The following TENM2 variants were observed in gnomAD, a reference collection of about 807,000 sequenced individuals.
TENM2 encodes teneurin transmembrane protein 2.
TENM2 carries 52 observed loss-of-function variants against 245.2 expected under a neutral mutation model. The ratio of observed to expected loss-of-function variants is 0.21; its 90% CI spans 0.17 to 0.27. The LOEUF is 0.27. TENM2 is among the 10% of genes least tolerant of loss of function. The probability of loss-of-function intolerance (pLI) is 1.00; values close to 1 mark genes in which losing one functional copy is unlikely to be tolerated. For missense variants in TENM2, 3,046 were observed against 3,666.8 expected (o/e 0.83, Z 4.37); for synonymous variants, 1,363 against 1,438.9 (o/e 0.95, Z 1.19).
At chr5:167,746,710 A>AGAGAGAGAGAGAGAGCGAGAGC in intron 2 of TENM2, among the ~76,000 whole-genome samples, 1 of 144,974 alleles carries the variant, frequency 6.9e-6, no homozygotes, top group African/African-American at 2.6e-5. Context: ...AGAGAGAGAG[A>AGAGAGAGAGAGAGAGCGAGAGC]GAGAGCTGGA....
At chr5:167,721,367 C>T (rs981873324) in intron 2 of TENM2, 4 of 152,144 alleles carry the variant, frequency 2.6e-5, no homozygotes, top group African/African-American at 4.8e-5. Context: ...CACCAACAGA[C>T]GCTTAAGCGA....
Position 168,244,433 on chromosome 5 carries a change from A to C in TENM2, c.5534A>C (p.Asn1845Thr). ...GTGTTTTCCTAGGTCCATGGAAGAA[A>C]TCTCTTGTCCATTGACTATGATCGA... is the stretch of plus-strand genomic sequence containing the variant. Residue 1845 changes from asparagine (N) to threonine (T), a missense_variant, in exon 26 of 29, where the codon AAT becomes ACT. Physicochemically the swap from Asn to Thr is moderately conservative, Grantham distance 65. This residue lies in a region of TENM2 where 2,704 missense variants were observed against 3,331.9 expected (regional missense o/e 0.81). Coordinates refer to ENST00000518659, the Ensembl canonical transcript of TENM2. This position sits in a 1 kb window ranked among gnomAD's most constrained non-coding sequence, Gnocchi z 4.9. 2.6e-6 allele frequency: 4 copies of C among 1,547,058 alleles called. No homozygotes were observed. The highest frequency in any genetic ancestry group is 3.5e-6 in the Non-Finnish European group (4 of 1,138,222).
In TENM2 at chr5:167,519,849, G is replaced by A. The variant is rs190128777; in HGVS notation, c.502+144376G>A. On this transcript the variant is annotated intron_variant, in intron 2 of 28. Coordinates refer to ENST00000518659, the Ensembl canonical transcript of TENM2. ...CACACAGTCAGTTCGGATTTATATT[G>A]GCACTCCAAGAACCGATGTCAAACT... Among the ~76,000 whole-genome samples, 307 of 152,110 alleles carry A rather than the reference G, an allele frequency of 2.0e-3. 2 individuals are homozygous for A. The highest frequency in any genetic ancestry group is 3.1e-4 in the Non-Finnish European group (21 of 67,952).
chr5:168,203,699 G>A (rs1438111128), exon 18 of TENM2: 1 of 1,607,620 alleles, frequency 6.2e-7, no homozygotes, highest in Non-Finnish European at 8.5e-7. Context: ...TGTCTGTCGG[G>A]TTTGAATATG....
chr5:167,755,007 TAGAG>T, intron 2 of TENM2: 1 of 1,580,222 alleles, frequency 6.3e-7, no homozygotes, highest in Non-Finnish European at 8.6e-7. Flanking sequence ...TTTCTGTAGT[TAGAG>T]GGAAACACAA....
chr5:166,999,861 C>T, the TENM2 span, among the ~76,000 whole-genome samples: 19 of 150,424 alleles, frequency 1.3e-4, no homozygotes, highest in East Asian at 3.1e-3. Flanking sequence ...GCAGAATTGC[C>T]CAGGGAACTT....
At chr5:167,438,382 G>A (rs1056836424) in intron 2 of TENM2, among the ~76,000 whole-genome samples, 1 of 152,130 alleles carries the variant, frequency 6.6e-6, no homozygotes, top group African/African-American at 2.4e-5. Flanking sequence ...TTACAAAATG[G>A]TGTTCTTCTA....
intron 2 of TENM2, among the ~76,000 whole-genome samples, chr5:167,840,962 C>T (rs1448812665): frequency 6.6e-6 from 1 of 152,102 alleles, no homozygotes; most frequent in African/African-American, 2.4e-5. Flanking sequence ...CTTTTTTTCA[C>T]ACAACACACC....
intron 1 of TENM2, among the ~76,000 whole-genome samples, chr5:167,316,879 T>G (rs1381813866): frequency 6.6e-6 from 1 of 152,132 alleles, no homozygotes; most frequent in Non-Finnish European, 1.5e-5. Context: ...GTGTAAAGAG[T>G]TCTGCTTTAT....
the TENM2 span, among the ~76,000 whole-genome samples, chr5:167,183,797 T>TA: frequency 1.3e-5 from 2 of 152,142 alleles, no homozygotes; most frequent in Non-Finnish European, 2.9e-5. Context: ...AATGGCCACT[T>TA]ACTGAATTTT....
the TENM2 span, among the ~76,000 whole-genome samples, chr5:167,166,316 C>A: frequency 1.3e-5 from 2 of 152,100 alleles, no homozygotes; most frequent in Non-Finnish European, 2.9e-5. Flanking sequence ...CAGAATGAAG[C>A]TGAGAGTCAA....
chr5:167,944,053 C>T (rs528841502), intron 3 of TENM2, among the ~76,000 whole-genome samples: 22 of 152,236 alleles, frequency 1.4e-4, no homozygotes, highest in African/African-American at 5.1e-4. Context: ...GTAATACTTT[C>T]CTGATGATTT....
chr5:167,057,036 C>T, the TENM2 span, among the ~76,000 whole-genome samples: 4 of 151,872 alleles, frequency 2.6e-5, no homozygotes, highest in African/African-American at 9.7e-5. Context: ...GTGCTGTTCT[C>T]CCTGCTTTTC....
intron 27 of TENM2, among the ~76,000 whole-genome samples, chr5:168,257,412 A>G (rs1286534849): frequency 6.6e-6 from 1 of 152,128 alleles, no homozygotes; most frequent in Admixed American, 6.5e-5. Flanking sequence ...CTACCAACAT[A>G]AAGGTGGTGA....
intron 6 of TENM2, among the ~76,000 whole-genome samples, chr5:168,056,527 T>C (rs1353557000): frequency 6.6e-6 from 1 of 152,228 alleles, no homozygotes; most frequent in Non-Finnish European, 1.5e-5. Flanking sequence ...TCTCATAAGA[T>C]TATAATGGAG....
chr5:167,373,178 A>T (rs1760542483), intron 1 of TENM2, among the ~76,000 whole-genome samples: 1 of 152,228 alleles, frequency 6.6e-6, no homozygotes, highest in Non-Finnish European at 1.5e-5. Context: ...ACACAACCAA[A>T]TTAGGCTGGG....
chr5:167,362,468 CTG>C (rs1759775914), intron 1 of TENM2, among the ~76,000 whole-genome samples: 1 of 152,186 alleles, frequency 6.6e-6, no homozygotes. Context: ...TGCTGATAGA[CTG>C]TGATCCATCC....
chr5:167,868,375 A>G (rs911313406), intron 2 of TENM2, among the ~76,000 whole-genome samples: 9 of 152,112 alleles, frequency 5.9e-5, no homozygotes, highest in Non-Finnish European at 8.8e-5. Context: ...TAAATACATA[A>G]TATGATATAA....
rs116244248 is a variant in TENM2, at chr5:168,030,485, T to A, written c.1187-16942T>A. ...CACACAGATACCTGGACCCCACCCC[T>A]GAGTTTCTGATTTGCAGGTCTGGAG... is the stretch of plus-strand genomic sequence containing the variant. On this transcript the variant is annotated intron_variant, in intron 5 of 28. Transcript: ENST00000518659. Among the ~76,000 whole-genome samples the A allele has an allele frequency of 1.6e-3, 250 of 152,204 alleles. 1 individual carries two copies. Among genetic ancestry groups the A allele is most frequent in the Middle Eastern group, 3.4e-3 (1 of 294 alleles).
Sources: gnomAD v4.1 joint callset for allele counts (sites outside exome capture counted in the v4.1 genomes callset) on GRCh38, gnomAD v4.1.1 for gene constraint, gnomAD v4.1.1 regional missense constraint, Gnocchi (gnomAD v3.1) non-coding constraint, MANE v1.5 for transcripts, NCBI Gene and HGNC (gene_info 2026-07-23, HGNC 2026-07-21) for gene names.